Variants in MALRD1 observed in about 807,000 individuals in gnomAD.
The protein encoded by MALRD1 is MAM and LDL-receptor class A domain-containing protein 1.
MALRD1 carries 247 observed loss-of-function variants against 242.1 expected under a neutral mutation model. That is an observed-to-expected ratio of 1.02 (90% CI 0.92 to 1.13). MALRD1 has a LOEUF of 1.13. Among genes scored for constraint, MALRD1 ranks in the 50% most tolerant of loss-of-function variants. The pLI, the probability that MALRD1 is intolerant of heterozygous loss-of-function variation, is 0.00. For synonymous variants in MALRD1, 995 were observed against 866.6 expected, an observed-to-expected ratio of 1.15 and a Z score of -2.60; for missense variants, 2,989 against 2,533.1, an observed-to-expected ratio of 1.18 and a Z score of -3.86.
intron 28 of MALRD1, among the ~76,000 whole-genome samples, chr10:19,411,648 C>T (rs1042707174): frequency 1.1e-4 from 17 of 152,102 alleles, no homozygotes; most frequent in Non-Finnish European, 2.1e-4. Context: ...AGGATCCGAG[C>T]GCTTAACTAT....
chr10:19,595,881 G>T (rs770996074), intron 34 of MALRD1, among the ~76,000 whole-genome samples: 1 of 152,122 alleles, frequency 6.6e-6, no homozygotes, highest in Non-Finnish European at 1.5e-5. Context: ...TGATTTTAAT[G>T]GGTATGTATA....
intron 19 of MALRD1, among the ~76,000 whole-genome samples, chr10:19,261,607 C>A (rs1217311013): frequency 6.6e-6 from 1 of 151,204 alleles, no homozygotes. Context: ...TCTTCTTTGG[C>A]CAATAAAACA....
chr10:19,307,784 T>A (rs1842277033), intron 21 of MALRD1, among the ~76,000 whole-genome samples: 1 of 151,614 alleles, frequency 6.6e-6, no homozygotes, highest in Non-Finnish European at 1.5e-5. Context: ...ACTGCTGACC[T>A]TACGCTAAAG....
intron 31 of MALRD1, among the ~76,000 whole-genome samples, chr10:19,522,936 CT>C (rs1833946407): frequency 6.6e-6 from 1 of 152,094 alleles, no homozygotes; most frequent in Non-Finnish European, 1.5e-5. Flanking sequence ...GACATGCTAC[CT>C]TCTCTATAGT....
intron 33 of MALRD1, among the ~76,000 whole-genome samples, chr10:19,586,867 C>A (rs192697855): frequency 6.6e-6 from 1 of 152,232 alleles, no homozygotes. Context: ...GCTGCGTTAG[C>A]AATCAGCGAG....
intron 21 of MALRD1, among the ~76,000 whole-genome samples, chr10:19,315,199 A>ATAAATAT (rs1564554564): frequency 1.4e-4 from 17 of 124,256 alleles, no homozygotes; most frequent in African/African-American, 4.7e-4. Context: ...TATAATTTAT[A>ATAAATAT]GAAATATAAT....
intron 32 of MALRD1, among the ~76,000 whole-genome samples, chr10:19,565,894 T>C (rs1836228010): frequency 6.6e-6 from 1 of 152,196 alleles, no homozygotes; most frequent in South Asian, 2.1e-4. Context: ...TTTTAAATTT[T>C]TCTTTAGTTT....
chr10:19,488,094 TA>T (rs34139974), intron 29 of MALRD1, among the ~76,000 whole-genome samples: 38,577 of 151,914 alleles, frequency 0.25, 5,399 homozygotes, highest in East Asian at 0.41. Flanking sequence ...TTGAAGTTGA[TA>T]AAAAAAATTG....
chr10:19,426,081 A>G (rs770007695), intron 28 of MALRD1, among the ~76,000 whole-genome samples: 1 of 152,158 alleles, frequency 6.6e-6, no homozygotes, highest in Non-Finnish European at 1.5e-5. Context: ...CAGTCTTATT[A>G]ATGAGTGTTG....
At chr10:19,244,672 A>G (rs141521338) in intron 18 of MALRD1, among the ~76,000 whole-genome samples, 4 of 152,314 alleles carry the variant, frequency 2.6e-5, no homozygotes, top group Non-Finnish European at 4.4e-5. Context: ...TGCTACTTGC[A>G]TTTTCTATGA....
chr10:19,285,433 G>A (rs1455584527), intron 21 of MALRD1, among the ~76,000 whole-genome samples: 1 of 150,730 alleles, frequency 6.6e-6, no homozygotes, highest in Non-Finnish European at 1.5e-5. Flanking sequence ...TTTTGTATAA[G>A]GTATAAGGAA....
At chr10:19,365,435 CTG>C (rs1845065064) in intron 26 of MALRD1, among the ~76,000 whole-genome samples, 1 of 152,024 alleles carries the variant, frequency 6.6e-6, no homozygotes, top group African/African-American at 2.4e-5. Flanking sequence ...CATTTTATCA[CTG>C]TCTCTTGGTT....
intron 28 of MALRD1, among the ~76,000 whole-genome samples, chr10:19,393,201 A>G (rs1406249826): frequency 6.6e-6 from 1 of 152,138 alleles, no homozygotes; most frequent in African/African-American, 2.4e-5. Flanking sequence ...CATTTTTAAA[A>G]TGGCATCCTT....
At chr10:19,721,043 T>C (rs543901451) in intron 38 of MALRD1, among the ~76,000 whole-genome samples, 1 of 151,892 alleles carries the variant, frequency 6.6e-6, no homozygotes, top group African/African-American at 2.4e-5. Context: ...TAAAAGAACA[T>C]TGCTCATTGA....
chr10:19,330,266 A>G (rs539608169), intron 23 of MALRD1, among the ~76,000 whole-genome samples: 1 of 151,946 alleles, frequency 6.6e-6, no homozygotes, highest in East Asian at 1.9e-4. Flanking sequence ...GAGAGGCATG[A>G]TTTCAATTAT....
intron 4 of MALRD1, among the ~76,000 whole-genome samples, chr10:19,094,999 C>T (rs1244695714): frequency 2.0e-5 from 3 of 152,072 alleles, no homozygotes; most frequent in Non-Finnish European, 4.4e-5. Context: ...TTCCTTAAAA[C>T]TTTCTAATCT....
intron 33 of MALRD1, among the ~76,000 whole-genome samples, chr10:19,580,834 A>G (rs1236456835): frequency 6.6e-6 from 1 of 152,062 alleles, no homozygotes; most frequent in African/African-American, 2.4e-5. Context: ...GGCTTTTGAC[A>G]TTTGGTCATG....
rs180971721 is a variant in MALRD1 at position 19,060,502 on chromosome 10, C to T, written c.200-6217C>T. 2.2e-3 allele frequency among the ~76,000 whole-genome samples: 333 copies of T among 152,308 alleles called. 1 individual carries two copies. Among genetic ancestry groups the T allele is most frequent in the African/African-American group, 7.0e-3 (293 of 41,576 alleles). On this transcript the variant is annotated intron_variant, in intron 1 of 39. Coordinates refer to ENST00000454679, the MANE Select transcript of MALRD1 (RefSeq NM_001142308.3). ...AAGTCATGCCTATCTTTCCTGCCCT[C>T]TTCTCAGACCCCTTACCCTTGCCTG...
intron 2 of MALRD1, among the ~76,000 whole-genome samples, chr10:19,078,432 T>A (rs1835385094): frequency 6.6e-6 from 1 of 151,928 alleles, no homozygotes; most frequent in Admixed American, 6.6e-5. Context: ...GAAAAATTTT[T>A]AAAATGTGTT....
Sources: allele counts gnomAD v4.1 joint callset (sites outside exome capture counted in the v4.1 genomes callset), GRCh38; gene constraint gnomAD v4.1.1; transcripts MANE v1.5; gene names NCBI Gene and HGNC (gene_info 2026-07-23, HGNC 2026-07-21).